Variants in AGAP1 observed in about 807,000 individuals in gnomAD.
AGAP1 encodes ArfGAP with GTPase domain, ankyrin repeat and PH domain 1.
AGAP1 carries 29 observed loss-of-function variants against 105.3 expected under a neutral mutation model. That is an observed-to-expected ratio of 0.28 (90% confidence interval 0.21 to 0.38). The LOEUF (loss-of-function observed/expected upper bound fraction) is 0.38. Ranked by LOEUF, AGAP1 falls within the 10% of genes least tolerant of loss-of-function variation. AGAP1 has a pLI of 1.00. For synonymous variants in AGAP1, 509 were observed against 485.9 expected, an observed-to-expected ratio of 1.05 and a Z score of -0.63; for missense variants, 998 against 1,165.1, an observed-to-expected ratio of 0.86 and a Z score of 2.09.
At chr2:235,512,765 C>A (rs1462190806) in intron 1 of AGAP1, among the ~76,000 whole-genome samples, 1 of 152,196 alleles carries the variant, frequency 6.6e-6, no homozygotes, top group African/African-American at 2.4e-5. Flanking sequence ...TGCTCAGTGG[C>A]TCCTGGGTCC....
chr2:235,607,959 T>G (rs1946000945), intron 1 of AGAP1, among the ~76,000 whole-genome samples: 1 of 152,234 alleles, frequency 6.6e-6, no homozygotes, highest in African/African-American at 2.4e-5. Context: ...TGCATCTAGA[T>G]CTTCGAGTTT....
intron 1 of AGAP1, among the ~76,000 whole-genome samples, chr2:235,682,283 C>T (rs1289872829): frequency 6.6e-6 from 1 of 152,084 alleles, no homozygotes; most frequent in Non-Finnish European, 1.5e-5. Context: ...TCACTCTGAA[C>T]TAGCTTGGTG....
intron 11 of AGAP1, among the ~76,000 whole-genome samples, chr2:235,926,599 T>G (rs2052458481): frequency 1.3e-5 from 2 of 152,264 alleles, no homozygotes; most frequent in East Asian, 3.8e-4. Context: ...TACTTTTGTT[T>G]TCTTTTGTTG....
At chr2:235,939,802 C>G (rs1316918857) in intron 12 of AGAP1, among the ~76,000 whole-genome samples, 1 of 152,130 alleles carries the variant, frequency 6.6e-6, no homozygotes, top group African/African-American at 2.4e-5. Flanking sequence ...TCTCTGGCTG[C>G]CCCCTGTGTC....
chr2:235,871,701 T>C (rs13420947), intron 9 of AGAP1, among the ~76,000 whole-genome samples: 1,628 of 152,312 alleles, frequency 0.011, 25 homozygotes, highest in African/African-American at 0.038. Flanking sequence ...ATTTGACTGT[T>C]TCTTATAACA....
rs779694925 is a variant in AGAP1 at position 236,044,482 on chromosome 2, G to A, written c.1891+3641G>A. Among the ~76,000 whole-genome samples, 7 of 152,074 alleles carry A rather than the reference G, an allele frequency of 4.6e-5. No homozygotes were observed. Among genetic ancestry groups the A allele is most frequent in the Non-Finnish European group, 8.8e-5 (6 of 68,018 alleles). ...AAGCCCTGGTTGGAGCTGACCGTGCGCTGGTCCCTCCCACCCTGCTGCGTG... is the reference window on the plus strand; with the variant it reads ...AAGCCCTGGTTGGAGCTGACCGTGCACTGGTCCCTCCCACCCTGCTGCGTG... On this transcript the variant is annotated intron_variant, in intron 15 of 17. Coordinates refer to ENST00000304032, the MANE Select transcript of AGAP1 (RefSeq NM_001037131.3). The surrounding 1 kb of genome is among the most constrained non-coding windows in gnomAD (Gnocchi z 5.7).
In AGAP1 at chr2:235,935,326, C is replaced by T. The variant is rs1227291350; in HGVS notation, c.1483+4403C>T. Among the ~76,000 whole-genome samples, 3 of 152,192 alleles carry T rather than the reference C, an allele frequency of 2.0e-5. No homozygotes were observed. The East Asian group carries it at 5.8e-4, about 29-fold the overall frequency. On this transcript the variant is annotated intron_variant, in intron 12 of 17. Transcript: ENST00000304032. ...CTGCTGAGTACCACATGCTGCTGAG[C>T]GTAATTTTTTAAATGCAGAAACATA...
intron 1 of AGAP1, among the ~76,000 whole-genome samples, chr2:235,647,813 A>C (rs1456008394): frequency 6.6e-6 from 1 of 152,108 alleles, no homozygotes; most frequent in African/African-American, 2.4e-5. Flanking sequence ...CTCTTGGCTG[A>C]CCAGTGTGTG....
In AGAP1 at chr2:235,663,367, G is replaced by A. The variant is rs1372407546; in HGVS notation, c.164-45812G>A. Among the ~76,000 whole-genome samples, 4 of 152,310 alleles carry A rather than the reference G, an allele frequency of 2.6e-5. No individual in the cohort carries two copies. The highest frequency in any genetic ancestry group is 2.1e-4 in the South Asian group (1 of 4,822). On this transcript the variant is annotated intron_variant, in intron 1 of 17. Transcript: ENST00000304032. This position sits in a 1 kb window ranked among gnomAD's most constrained non-coding sequence, Gnocchi z 5.4. ...CCTCTGCTGAGATGGGAGCAGCAGC[G>A]TGGGGTTGGGCTTTGAACTGGCATC...
chr2:235,657,049 A>C (rs186512457), intron 1 of AGAP1, among the ~76,000 whole-genome samples: 1 of 152,334 alleles, frequency 6.6e-6, no homozygotes, highest in Admixed American at 6.5e-5. Flanking sequence ...CCCAGCTCTC[A>C]TGCATGTGCT....
At chr2:235,932,121 G>A (rs748216903) in intron 12 of AGAP1, among the ~76,000 whole-genome samples, 5 of 152,168 alleles carry the variant, frequency 3.3e-5, no homozygotes, top group South Asian at 2.1e-4. Context: ...TAAATTAACC[G>A]TCTACAGTTT....
intron 1 of AGAP1, among the ~76,000 whole-genome samples, chr2:235,676,748 A>T (rs931242887): frequency 2.6e-5 from 4 of 152,174 alleles, no homozygotes; most frequent in African/African-American, 9.7e-5. Flanking sequence ...GCTATTGTCA[A>T]TTTGTTTTCC....
chr2:235,726,289 C>T (rs2149586772), intron 3 of AGAP1, among the ~76,000 whole-genome samples: 1 of 152,292 alleles, frequency 6.6e-6, no homozygotes, highest in East Asian at 1.9e-4. Flanking sequence ...ATGTGTGTCC[C>T]TTCACTCACA....
chr2:235,595,439 G>A (rs1473265098), intron 1 of AGAP1, among the ~76,000 whole-genome samples: 1 of 152,176 alleles, frequency 6.6e-6, no homozygotes, highest in Admixed American at 6.5e-5. Flanking sequence ...TCACTCCTGG[G>A]CCTGCTGCTG....
In AGAP1 at chr2:236,095,790, C is replaced by A. The variant is rs1408713807; in HGVS notation, c.2115-24402C>A. ...CAGGGCTAGATTATGGATAGTTGCA[C>A]AGAGATAGTCCCTAAGAGCTGGCCA... is the stretch of plus-strand genomic sequence containing the variant. On this transcript the variant is annotated intron_variant, in intron 16 of 17. Coordinates refer to ENST00000304032, the MANE Select transcript of AGAP1 (RefSeq NM_001037131.3). This position sits in a 1 kb window ranked among gnomAD's most constrained non-coding sequence, Gnocchi z 4.1. 7.2e-5 allele frequency among the ~76,000 whole-genome samples: 11 copies of A among 152,162 alleles called. No individual in the cohort carries two copies. The highest frequency in any genetic ancestry group is 2.7e-4 in the African/African-American group (11 of 41,442).
At chr2:235,499,804 G>T (rs895145182) in intron 1 of AGAP1, among the ~76,000 whole-genome samples, 1 of 152,176 alleles carries the variant, frequency 6.6e-6, no homozygotes, top group Non-Finnish European at 1.5e-5. Context: ...CTGGAAGCTG[G>T]TTGAGGGCAG....
rs2057375410 is a variant in AGAP1 at position 236,036,181 on chromosome 2, T to C, written c.1646-380T>C. ...CGAGTGCTTAGATAGAAATTAACCC[T>C]GCAGCCGGAGATTAGCGGCCCTAAC... On this transcript the variant is annotated intron_variant, in intron 13 of 17. Transcript: ENST00000304032. The surrounding 1 kb of genome is among the most constrained non-coding windows in gnomAD (Gnocchi z 5.7). Among the ~76,000 whole-genome samples the C allele has an allele frequency of 6.6e-6, 1 of 152,182 alleles. No individual in the cohort carries two copies. The highest frequency in any genetic ancestry group is 2.4e-5 in the African/African-American group (1 of 41,450).
intron 12 of AGAP1, among the ~76,000 whole-genome samples, chr2:235,950,367 A>C (rs2053680490): frequency 6.6e-6 from 1 of 151,816 alleles, no homozygotes; most frequent in East Asian, 1.9e-4. Flanking sequence ...GTGCCATAGG[A>C]TATCACAGGG....
At position 235,753,285 on chromosome 2, in the gene AGAP1, G is replaced by C. The variant is rs578124169; in HGVS notation, c.673+2797G>C. Among the ~76,000 whole-genome samples the C allele has an allele frequency of 2.0e-5, 3 of 152,166 alleles. No individual in the cohort carries two copies. Among genetic ancestry groups the C allele is most frequent in the African/African-American group, 7.2e-5 (3 of 41,438 alleles). On this transcript the variant is annotated intron_variant, in intron 6 of 17. Transcript: ENST00000304032. The surrounding 1 kb of genome is among the most constrained non-coding windows in gnomAD (Gnocchi z 4.5). ...TTAGTTTAAAATATTCAGAAAAAGCGTTTCCGTTACTGTGACAGCTCATGT... is the reference window on the plus strand; with the variant it reads ...TTAGTTTAAAATATTCAGAAAAAGCCTTTCCGTTACTGTGACAGCTCATGT...
Sources: gnomAD v4.1 joint callset for allele counts (sites outside exome capture counted in the v4.1 genomes callset) on GRCh38, gnomAD v4.1.1 for gene constraint, Gnocchi (gnomAD v3.1) non-coding constraint, MANE v1.5 for transcripts, NCBI Gene and HGNC (gene_info 2026-07-23, HGNC 2026-07-21) for gene names.